The following CNBD1 variants were observed in gnomAD, a reference collection of about 807,000 sequenced individuals.
CNBD1 encodes cyclic nucleotide-binding domain-containing protein 1.
CNBD1 carries 71 observed loss-of-function variants against 54.4 expected under a neutral mutation model. That is an observed-to-expected ratio of 1.30 (90% CI 1.08 to 1.59). CNBD1 has a LOEUF of 1.59. Among genes scored for constraint, CNBD1 ranks in the 40% most tolerant of loss-of-function variants. CNBD1 has a pLI of 0.00. For synonymous variants in CNBD1, 182 were observed against 170.7 expected (o/e 1.07, Z -0.51); for missense variants, 659 against 518.0 (o/e 1.27, Z -2.64).
At chr8:87,293,239 A>G (rs1473570254) in intron 8 of CNBD1, among the ~76,000 whole-genome samples, 1 of 152,202 alleles carries the variant, frequency 6.6e-6, no homozygotes, top group East Asian at 1.9e-4. Flanking sequence ...GAAAAGAAAT[A>G]CATTTTTAAA....
At chr8:87,114,378 T>C (rs1811729097) in intron 4 of CNBD1, among the ~76,000 whole-genome samples, 1 of 152,138 alleles carries the variant, frequency 6.6e-6, no homozygotes, top group Non-Finnish European at 1.5e-5. Context: ...TGAGATGGAG[T>C]CTCACTCTGT....
chr8:86,989,591 C>T (rs1305533465), intron 4 of CNBD1, among the ~76,000 whole-genome samples: 1 of 152,120 alleles, frequency 6.6e-6, no homozygotes, highest in Non-Finnish European at 1.5e-5. Context: ...GCTGGGATTA[C>T]AGGCACATGC....
At chr8:86,924,045 T>C (rs545518797) in intron 3 of CNBD1, among the ~76,000 whole-genome samples, 1 of 152,204 alleles carries the variant, frequency 6.6e-6, no homozygotes, top group Admixed American at 6.6e-5. Flanking sequence ...GTTCAAAGTT[T>C]GTAAATTTCA....
intron 4 of CNBD1, among the ~76,000 whole-genome samples, chr8:86,954,836 C>G (rs1197546588): frequency 6.6e-6 from 1 of 152,226 alleles, no homozygotes; most frequent in Admixed American, 6.5e-5. Flanking sequence ...CAATTTTCTT[C>G]TTTTTCTTTA....
chr8:87,059,158 C>A (rs1213329090), intron 4 of CNBD1, among the ~76,000 whole-genome samples: 3 of 152,190 alleles, frequency 2.0e-5, no homozygotes, highest in Non-Finnish European at 4.4e-5. Flanking sequence ...CCACCAAAGC[C>A]TTGACTTTAT....
chr8:86,971,697 T>C (rs563995229), intron 4 of CNBD1, among the ~76,000 whole-genome samples: 22 of 152,130 alleles, frequency 1.4e-4, no homozygotes, highest in African/African-American at 4.8e-4. Flanking sequence ...TTTTATATCG[T>C]TTTGTGAATA....
intron 4 of CNBD1, among the ~76,000 whole-genome samples, chr8:87,162,630 CAT>C (rs1023755692): frequency 2.0e-5 from 3 of 152,006 alleles, no homozygotes; most frequent in Non-Finnish European, 4.4e-5. Flanking sequence ...TTGTAAAAAA[CAT>C]AAATTAATTT....
At chr8:87,272,323 AC>A in intron 6 of CNBD1, among the ~76,000 whole-genome samples, 1 of 152,144 alleles carries the variant, frequency 6.6e-6, no homozygotes, top group South Asian at 2.1e-4. Flanking sequence ...TGAAATCATC[AC>A]ATGTATCTAA....
chr8:87,255,989 ATATATATATATATATATATATATATATT>A (rs1808002140), intron 6 of CNBD1, among the ~76,000 whole-genome samples: 1 of 10,886 alleles, frequency 9.2e-5, no homozygotes, highest in Non-Finnish European at 1.6e-4. Context: ...ATATATATAT[ATATATATATATATATATATATATATATT>A]TTTTTTTTTT....
chr8:86,906,639 A>G (rs1456850127), intron 3 of CNBD1, among the ~76,000 whole-genome samples: 1 of 152,178 alleles, frequency 6.6e-6, no homozygotes, highest in Non-Finnish European at 1.5e-5. Flanking sequence ...AGACCTGTAA[A>G]TGTAGCTCTG....
intron 2 of CNBD1, among the ~76,000 whole-genome samples, chr8:87,421,589 T>G (rs1285834740): frequency 6.6e-6 from 1 of 152,060 alleles, no homozygotes; most frequent in Non-Finnish European, 1.5e-5. Flanking sequence ...TCCATGTCCC[T>G]ACAAAGGACA....
chr8:87,128,043 CGA>C (rs1392785471), intron 4 of CNBD1, among the ~76,000 whole-genome samples: 1 of 152,112 alleles, frequency 6.6e-6, no homozygotes, highest in African/African-American at 2.4e-5. Context: ...GTCTGAATGT[CGA>C]GAGGAGTTTG....
intron 8 of CNBD1, among the ~76,000 whole-genome samples, chr8:87,310,582 T>G (rs1187968258): frequency 6.6e-6 from 1 of 152,134 alleles, no homozygotes; most frequent in African/African-American, 2.4e-5. Flanking sequence ...GTTTTAACAC[T>G]ATTTCTATCA....
At chr8:87,337,715 G>C (rs1174979347) in intron 8 of CNBD1, among the ~76,000 whole-genome samples, 1 of 152,212 alleles carries the variant, frequency 6.6e-6, no homozygotes, top group African/African-American at 2.4e-5. Context: ...GGGGGTGGGG[G>C]CTCTCAGGTG....
intron 10 of CNBD1, among the ~76,000 whole-genome samples, chr8:87,380,197 T>A (rs1349566199): frequency 6.6e-6 from 1 of 151,984 alleles, no homozygotes; most frequent in African/African-American, 2.4e-5. Context: ...AATATTAAAA[T>A]GTCAAATGTC....
chr8:87,315,717 T>C (rs1211695810), intron 8 of CNBD1, among the ~76,000 whole-genome samples: 1 of 151,964 alleles, frequency 6.6e-6, no homozygotes, highest in Non-Finnish European at 1.5e-5. Flanking sequence ...AAAATATCCA[T>C]AGCAGCTGGG....
intron 4 of CNBD1, among the ~76,000 whole-genome samples, chr8:87,014,863 G>A (rs1477122304): frequency 6.6e-6 from 1 of 151,264 alleles, no homozygotes; most frequent in East Asian, 1.9e-4. Flanking sequence ...TTTTGGTAAA[G>A]AATGTAAAAA....
intron 1 of CNBD1, among the ~76,000 whole-genome samples, chr8:86,870,577 C>T (rs1808429740): frequency 1.3e-5 from 2 of 152,136 alleles, no homozygotes; most frequent in Admixed American, 6.6e-5. Context: ...AATCTGAAAA[C>T]ACTGTGTCAT....
In CNBD1 at chr8:87,259,882, C is replaced by A. The variant is rs113328680; in HGVS notation, c.771+22770C>A. Among the ~76,000 whole-genome samples the A allele has an allele frequency of 4.0e-3, 607 of 152,200 alleles. 3 individuals carry two copies. The highest frequency in any genetic ancestry group is 0.014 in the African/African-American group (573 of 41,526). On this transcript the variant is annotated intron_variant, in intron 6 of 10. Coordinates refer to ENST00000518476, the MANE Select transcript of CNBD1 (RefSeq NM_173538.3). ...AAAGTCCTTTTAAAATTTAGTATTA[C>A]CTGACTTTAGATAGGCCAAATGGCT...
Sources: allele counts gnomAD v4.1 joint callset (sites outside exome capture counted in the v4.1 genomes callset), GRCh38; gene constraint gnomAD v4.1.1; transcripts MANE v1.5; gene names NCBI Gene and HGNC (gene_info 2026-07-23, HGNC 2026-07-21).